Variants in ADCY9 observed in about 807,000 individuals in gnomAD.
ADCY9 encodes adenylate cyclase type 9.
Under a neutral mutation model 101.5 loss-of-function variants are expected in ADCY9, and 50 were observed. That is an observed-to-expected ratio of 0.49 (90% CI 0.39 to 0.62). The LOEUF is 0.62. ADCY9 is among the 20% of genes least tolerant of loss of function. ADCY9 has a pLI of 0.00. For missense variants in ADCY9, 1,662 were observed against 1,800.4 expected, an observed-to-expected ratio of 0.92 and a Z score of 1.39; for synonymous variants, 905 against 769.3, an observed-to-expected ratio of 1.18 and a Z score of -2.92.
At chr16:3,980,559 C>A (rs1472733974) in intron 7 of ADCY9, among the ~76,000 whole-genome samples, 1 of 152,182 alleles carries the variant, frequency 6.6e-6, no homozygotes, top group Non-Finnish European at 1.5e-5. Context: ...CAGAGCCCCC[C>A]GCCCCCAGCC....
chr16:4,020,331 T>C (rs373617526), intron 2 of ADCY9, among the ~76,000 whole-genome samples: 3 of 152,164 alleles, frequency 2.0e-5, no homozygotes, highest in South Asian at 2.1e-4. Context: ...AAGGAATGAA[T>C]TGGAAACAGA....
rs5815192 is a variant in ADCY9, at chr16:4,050,713, C to CAAAAAA, written c.1694-43161_1694-43156dup. ...TGGCAACAAGAGTGAAACTCCGTCT[C>CAAAAAA]AAAAAAAAAAAAAAAAAAAAAAAAT... On this transcript the variant is annotated intron_variant, in intron 2 of 10. Transcript: ENST00000294016. 4.3e-5 allele frequency among the ~76,000 whole-genome samples: 3 copies of CAAAAAA among 69,638 alleles called. 1 individual carries two copies. The highest frequency in any genetic ancestry group is 2.0e-4 in the Admixed American group (1 of 5,058). The allele number at this position is 69,638 out of a possible 152,430, so 45.7% of individuals were successfully genotyped here.
chr16:3,956,495 T>TTTTTTTTTTTC (rs2055906781), intron 5 of ADCY9, among the ~76,000 whole-genome samples: 1 of 78,308 alleles, frequency 1.3e-5, no homozygotes, highest in Non-Finnish European at 3.3e-5. Flanking sequence ...GAGCTTTTTT[T>TTTTTTTTTTTC]TTTTTTTTGG....
Position 3,987,674 on chromosome 16 carries a change from C to T in ADCY9, c.2310+1320G>A, listed in dbSNP as rs185752343. 2.4e-4 allele frequency among the ~76,000 whole-genome samples: 37 copies of T among 152,326 alleles called. No homozygotes were observed. In the East Asian group the frequency reaches 5.8e-3, roughly 24 times the overall value. On this transcript the variant is annotated intron_variant, in intron 6 of 10. Transcript: ENST00000294016. The stretch of plus-strand genomic sequence containing the variant: ...TGGAGGCTGACGGAAGGGGGCACCT[C>T]CCACCCCACGAGGCATGAACTGGCT...
At chr16:4,099,502 G>T (rs1300957293) in intron 2 of ADCY9, among the ~76,000 whole-genome samples, 1 of 152,104 alleles carries the variant, frequency 6.6e-6, no homozygotes, top group Non-Finnish European at 1.5e-5. Flanking sequence ...CAGACAAACA[G>T]AATTAATGAG....
chr16:3,992,752 G>A lies in ADCY9; in HGVS notation c.1990-389C>T, dbSNP rs967390239. ...TGGGTCGGGGGTCCAGGAGAAGTAT[G>A]ACGAGGGGTCCAGGGCTGTCAGGGC... On this transcript the variant is annotated intron_variant, in intron 4 of 10. Coordinates refer to ENST00000294016, the MANE Select transcript of ADCY9 (RefSeq NM_001116.4). The surrounding 1 kb of genome is among the most constrained non-coding windows in gnomAD (Gnocchi z 4.2). 3.3e-5 allele frequency among the ~76,000 whole-genome samples: 5 copies of A among 152,118 alleles called. No individual in the cohort carries two copies. The highest frequency in any genetic ancestry group is 2.1e-4 in the South Asian group (1 of 4,820).
At chr16:4,074,006 G>A (rs1425780799) in intron 2 of ADCY9, among the ~76,000 whole-genome samples, 2 of 152,134 alleles carry the variant, frequency 1.3e-5, no homozygotes, top group Non-Finnish European at 2.9e-5. Context: ...TTAAAATTCA[G>A]TTGTTTTCAG....
At chr16:4,013,181 G>A (rs2056414722) in intron 2 of ADCY9, among the ~76,000 whole-genome samples, 1 of 152,016 alleles carries the variant, frequency 6.6e-6, no homozygotes, top group Non-Finnish European at 1.5e-5. Flanking sequence ...CCGGGAGGTT[G>A]AGGCTGCAGT....
chr16:4,081,060 G>A (rs1391482591), intron 2 of ADCY9, among the ~76,000 whole-genome samples: 1 of 152,166 alleles, frequency 6.6e-6, no homozygotes, highest in Non-Finnish European at 1.5e-5. Flanking sequence ...TTTAAACCGA[G>A]AAATATTTCT....
chr16:4,037,675 A>G (rs939036933), intron 2 of ADCY9, among the ~76,000 whole-genome samples: 4 of 152,134 alleles, frequency 2.6e-5, no homozygotes, highest in Admixed American at 6.5e-5. Flanking sequence ...GCATAAGGTG[A>G]TATTTCCTTC....
intron 2 of ADCY9, among the ~76,000 whole-genome samples, chr16:4,016,809 C>T (rs1053615173): frequency 1.3e-5 from 2 of 152,120 alleles, no homozygotes; most frequent in African/African-American, 4.8e-5. Flanking sequence ...AGATGAGTGG[C>T]TGCCATGGGT....
Position 4,052,646 on chromosome 16 carries a change from A to C in ADCY9, c.1694-45088T>G, listed in dbSNP as rs994892800. Among the ~76,000 whole-genome samples, 4 of 152,186 alleles carry C rather than the reference A, an allele frequency of 2.6e-5. No individual in the cohort carries two copies. The South Asian group carries it at 6.2e-4, about 24-fold the overall frequency. ...CACTCCGCATTCCTAGATAACAACT[A>C]GTGTGGAATTCTGTTCTTTGAATCA... On this transcript the variant is annotated intron_variant, in intron 2 of 10. Transcript: ENST00000294016.
At chr16:4,042,041 A>C (rs1468820881) in intron 2 of ADCY9, among the ~76,000 whole-genome samples, 1 of 148,618 alleles carries the variant, frequency 6.7e-6, no homozygotes, top group Non-Finnish European at 1.5e-5. Flanking sequence ...CTCCTGCCTC[A>C]TCCTCCTGAG....
intron 2 of ADCY9, among the ~76,000 whole-genome samples, chr16:4,059,204 G>A (rs2056759105): frequency 6.6e-6 from 1 of 151,362 alleles, no homozygotes; most frequent in Non-Finnish European, 1.5e-5. Flanking sequence ...TGGCCAACAT[G>A]ATGAAACTCC....
At chr16:3,998,959 G>T (rs982814421) in intron 3 of ADCY9, among the ~76,000 whole-genome samples, 23 of 151,702 alleles carry the variant, frequency 1.5e-4, no homozygotes, top group Non-Finnish European at 3.4e-4. Context: ...AACCCCCATG[G>T]CAATTTTCCT....
At chr16:4,020,633 C>A (rs2056468977) in intron 2 of ADCY9, among the ~76,000 whole-genome samples, 1 of 151,860 alleles carries the variant, frequency 6.6e-6, no homozygotes, top group Non-Finnish European at 1.5e-5. Context: ...ACCAGCCTGG[C>A]CAACAAGGTG....
intron 2 of ADCY9, among the ~76,000 whole-genome samples, chr16:4,057,338 A>G (rs2056746762): frequency 6.6e-6 from 1 of 152,020 alleles, no homozygotes; most frequent in Non-Finnish European, 1.5e-5. Flanking sequence ...CGTACAATTC[A>G]TCTGTTTCCA....
Position 3,977,508 on chromosome 16 carries a change from C to A in ADCY9, c.2802G>T (p.Leu934=). The change falls in exon 9 of 11, where the codon CTG becomes CTT. Residue 934 remains leucine (L), a synonymous_variant. Coordinates refer to ENST00000294016, the MANE Select transcript of ADCY9 (RefSeq NM_001116.4). ...TGTCTGGGCACAGGGAGACGTAGAG[C>A]AGGAGCAGCGGCCCGGCCCCCACGA... is the stretch of plus-strand genomic sequence containing the variant. ...ATVVGAGPLL[L]LYVSLCPDSS... is the part of the protein sequence containing the mutation. 6.3e-7 allele frequency: 1 copy of A among 1,577,524 alleles called. No homozygotes were observed. Among genetic ancestry groups the A allele is most frequent in the Non-Finnish European group, 8.6e-7 (1 of 1,161,742 alleles).
At chr16:4,069,368 G>A (rs1597206479) in intron 2 of ADCY9, among the ~76,000 whole-genome samples, 2 of 150,986 alleles carry the variant, frequency 1.3e-5, no homozygotes, top group Admixed American at 6.6e-5. Flanking sequence ...TTAATATCCC[G>A]GTTCCTTGGT....
Sources: allele counts gnomAD v4.1 joint callset (sites outside exome capture counted in the v4.1 genomes callset), GRCh38; gene constraint gnomAD v4.1.1; non-coding constraint Gnocchi (gnomAD v3.1); transcripts MANE v1.5; gene names NCBI Gene and HGNC (gene_info 2026-07-23, HGNC 2026-07-21).